The following EYS variants were observed in gnomAD, a reference collection of about 807,000 sequenced individuals.
EYS encodes protein eyes shut homolog.
EYS carries 250 observed loss-of-function variants against 282.1 expected under a neutral mutation model. The ratio of observed to expected loss-of-function variants is 0.89; its 90% CI spans 0.80 to 0.98. The LOEUF (loss-of-function observed/expected upper bound fraction) is 0.98, where lower values mean the gene tolerates loss of function less well. Among genes scored for constraint, EYS ranks in the 50% least tolerant of loss-of-function variants. EYS has a pLI of 0.00. For synonymous variants in EYS, 1,355 were observed against 1,282.9 expected (o/e 1.06, Z -1.20); for missense variants, 4,016 against 3,709.0 (o/e 1.08, Z -2.15).
At chr6:63,738,575 T>C (rs931138573) in intron 41 of EYS, among the ~76,000 whole-genome samples, 4 of 107,426 alleles carry the variant, frequency 3.7e-5, no homozygotes. Context: ...CATCACACTC[T>C]GGGGACTGTT....
intron 26 of EYS, among the ~76,000 whole-genome samples, chr6:64,563,062 T>C (rs1399961950): frequency 6.6e-6 from 1 of 152,072 alleles, no homozygotes; most frequent in Non-Finnish European, 1.5e-5. Flanking sequence ...CATTCATTAA[T>C]AGTAAAACAA....
chr6:65,386,408 T>A (rs534718265), intron 7 of EYS, among the ~76,000 whole-genome samples: 1 of 151,046 alleles, frequency 6.6e-6, no homozygotes, highest in South Asian at 2.1e-4. Flanking sequence ...ACTTTAAAGT[T>A]TTTTTTTTCA....
At chr6:64,634,538 C>T (rs906162833) in intron 22 of EYS, among the ~76,000 whole-genome samples, 1 of 80,024 alleles carries the variant, frequency 1.2e-5, no homozygotes, top group African/African-American at 4.7e-5. Flanking sequence ...AGTAAGATAC[C>T]CTAGCTTCCA....
At chr6:65,241,831 G>A (rs2150276306) in intron 12 of EYS, among the ~76,000 whole-genome samples, 1 of 152,080 alleles carries the variant, frequency 6.6e-6, no homozygotes, top group South Asian at 2.1e-4. Context: ...GATTGTCTTA[G>A]GCAGAATATT....
intron 12 of EYS, among the ~76,000 whole-genome samples, chr6:65,143,248 A>G (rs920674594): frequency 2.8e-5 from 4 of 145,434 alleles, no homozygotes; most frequent in African/African-American, 1.1e-4. Flanking sequence ...TAAAAGCATT[A>G]TACAGACTGA....
At chr6:64,901,978 G>A (rs1332836104) in intron 18 of EYS, 135 bp downstream of exon 18, 11 of 606,516 alleles carry the variant, frequency 1.8e-5, no homozygotes, top group Non-Finnish European at 3.2e-5. Flanking sequence ...TGGGACAAAT[G>A]AGGATGTGCT....
At chr6:64,787,965 G>T (rs1439888413) in intron 22 of EYS, among the ~76,000 whole-genome samples, 1 of 151,730 alleles carries the variant, frequency 6.6e-6, no homozygotes, top group African/African-American at 2.4e-5. Flanking sequence ...TTTTAAATGG[G>T]TGAATATGCT....
At chr6:64,431,574 T>C (rs923417407) in intron 28 of EYS, among the ~76,000 whole-genome samples, 4 of 152,154 alleles carry the variant, frequency 2.6e-5, no homozygotes, top group Non-Finnish European at 5.9e-5. Flanking sequence ...TTGGGTACTG[T>C]AGGTTAGCCT....
chr6:64,699,302 A>G (rs574399598), intron 22 of EYS, among the ~76,000 whole-genome samples: 27 of 152,114 alleles, frequency 1.8e-4, no homozygotes, highest in Admixed American at 7.9e-4. Flanking sequence ...AGAAGGAAAC[A>G]ACAGTCATGG....
At chr6:64,444,153 A>G (rs938369924) in intron 26 of EYS, among the ~76,000 whole-genome samples, 2 of 152,184 alleles carry the variant, frequency 1.3e-5, no homozygotes, top group Non-Finnish European at 2.9e-5. Context: ...CATCCACCTT[A>G]TAGTTCTGAT....
intron 8 of EYS, among the ~76,000 whole-genome samples, chr6:65,383,330 T>C (rs1026548869): frequency 1.9e-4 from 29 of 151,960 alleles, no homozygotes; most frequent in Non-Finnish European, 1.8e-4. Context: ...TCATACTTTA[T>C]TTCACTTTTA....
At chr6:63,744,178 T>C (rs1582163476) in intron 41 of EYS, 1 of 152,218 alleles carries the variant, frequency 6.6e-6, no homozygotes, top group East Asian at 1.9e-4. Flanking sequence ...ATATCTTGCT[T>C]GTGTTCAAGC....
chr6:65,264,707 C>T (rs1032795149), intron 12 of EYS, among the ~76,000 whole-genome samples: 2 of 151,828 alleles, frequency 1.3e-5, no homozygotes, highest in South Asian at 2.1e-4. Flanking sequence ...TATAATGAAT[C>T]TCTTTCACTG....
intron 35 of EYS, among the ~76,000 whole-genome samples, chr6:63,962,609 A>C (rs1402691026): frequency 6.6e-6 from 1 of 152,212 alleles, no homozygotes; most frequent in African/African-American, 2.4e-5. Context: ...GTCAGGAAAC[A>C]ACAGGTGCGG....
intron 26 of EYS, among the ~76,000 whole-genome samples, chr6:64,487,010 G>C (rs746643950): frequency 7.9e-5 from 12 of 151,190 alleles, no homozygotes; most frequent in Admixed American, 2.6e-4. Flanking sequence ...CAGAATATTG[G>C]TCCAAGCTTT....
chr6:64,010,853 G>C (rs1639271797), intron 33 of EYS, among the ~76,000 whole-genome samples: 1 of 152,058 alleles, frequency 6.6e-6, no homozygotes, highest in Non-Finnish European at 1.5e-5. Context: ...CAGACTGCTT[G>C]GCATAATTCA....
At chr6:64,429,647 G>A (rs1195732446) in intron 28 of EYS, among the ~76,000 whole-genome samples, 1 of 152,066 alleles carries the variant, frequency 6.6e-6, no homozygotes, top group East Asian at 1.9e-4. Flanking sequence ...CTGTCTCAAA[G>A]AAAAACTTAA....
intron 35 of EYS, among the ~76,000 whole-genome samples, chr6:63,952,091 C>A (rs944282560): frequency 6.6e-6 from 1 of 152,188 alleles, no homozygotes; most frequent in Non-Finnish European, 1.5e-5. Context: ...AAAACCCAGC[C>A]GCACCTCCAG....
At chr6:63,894,547 G>A (rs185659277) in intron 35 of EYS, among the ~76,000 whole-genome samples, 1 of 151,994 alleles carries the variant, frequency 6.6e-6, no homozygotes, top group African/African-American at 2.4e-5. Flanking sequence ...TTCCAGAACT[G>A]GGAGGGCATA....
Sources: gnomAD v4.1 joint callset for allele counts (sites outside exome capture counted in the v4.1 genomes callset) on GRCh38, gnomAD v4.1.1 for gene constraint, MANE v1.5 for transcripts, NCBI Gene and HGNC (gene_info 2026-07-23, HGNC 2026-07-21) for gene names.